The following POLK variants were observed in gnomAD, a reference collection of about 807,000 sequenced individuals.
POLK encodes the protein DNA polymerase kappa.
A neutral mutation model predicts 94.0 loss-of-function variants in POLK; 76 were observed. The ratio of observed to expected loss-of-function variants is 0.81; its 90% CI spans 0.67 to 0.98. The LOEUF is 0.98. POLK is among the 50% of genes least tolerant of loss of function. The pLI, the probability that POLK is intolerant of heterozygous loss-of-function variation, is 0.00. For synonymous variants in POLK, 349 were observed against 325.4 expected, an observed-to-expected ratio of 1.07 and a Z score of -0.78; for missense variants, 954 against 1,010.1, an observed-to-expected ratio of 0.94 and a Z score of 0.75.
At chr5:75,520,682 A>T (rs533261117) in intron 1 of POLK, among the ~76,000 whole-genome samples, 46 of 152,238 alleles carry the variant, frequency 3.0e-4, no homozygotes, top group Non-Finnish European at 6.0e-4. Flanking sequence ...TACAGGCATG[A>T]ACCACAGTGC....
chr5:75,550,751 G>A (rs984303781), intron 2 of POLK, among the ~76,000 whole-genome samples: 15 of 151,986 alleles, frequency 9.9e-5, no homozygotes, highest in African/African-American at 3.6e-4. Flanking sequence ...AAATAGAAGG[G>A]TACTTCCTCA....
intron 3 of POLK, among the ~76,000 whole-genome samples, chr5:75,562,816 T>C (rs1771058761): frequency 6.6e-6 from 1 of 152,252 alleles, no homozygotes; most frequent in Admixed American, 6.5e-5. Flanking sequence ...TTACGTTTAT[T>C]GAATTGCATA....
chr5:75,543,500 T>A (rs1245993677), intron 1 of POLK, among the ~76,000 whole-genome samples: 2 of 152,162 alleles, frequency 1.3e-5, no homozygotes, highest in Non-Finnish European at 2.9e-5. Flanking sequence ...AGATTAGAGT[T>A]GCCCTCAATG....
intron 10 of POLK, among the ~76,000 whole-genome samples, chr5:75,587,656 C>T (rs936854801): frequency 3.9e-5 from 6 of 152,074 alleles, no homozygotes; most frequent in Admixed American, 3.3e-4. Context: ...CAAGGTGGCT[C>T]ACCCCTGTAA....
chr5:75,599,356 G>A (rs1177638031), exon 15 of POLK: 2 of 151,734 alleles, frequency 1.3e-5, no homozygotes, highest in African/African-American at 2.4e-5. Context: ...CTCCCCTTGC[G>A]TTTCATATTT....
chr5:75,524,089 C>G (rs1768715718), intron 1 of POLK, among the ~76,000 whole-genome samples: 1 of 150,740 alleles, frequency 6.6e-6, no homozygotes, highest in South Asian at 2.1e-4. Context: ...GAGATTGCGC[C>G]ACTGCACTCC....
chr5:75,551,940 C>T (rs1029791500), intron 2 of POLK, among the ~76,000 whole-genome samples: 1 of 152,178 alleles, frequency 6.6e-6, no homozygotes, highest in African/African-American at 2.4e-5. Context: ...GCATTCTTCA[C>T]TGTAGCCAAA....
rs73764924 is a variant in POLK at position 75,513,575 on chromosome 5, A to G, written c.-14+1661A>G. ...GGCCACCCTTTTTATCCTGTTTCCT[A>G]TTGTAGAAATGAGAGCCAGGCTAGG... On this transcript the variant is annotated intron_variant, in intron 1 of 14. Transcript: ENST00000241436. Among the ~76,000 whole-genome samples, 604 of 152,302 alleles carry G rather than the reference A, an allele frequency of 4.0e-3. 8 individuals carry two copies. The highest frequency in any genetic ancestry group is 0.014 in the African/African-American group (580 of 41,572).
intron 10 of POLK, among the ~76,000 whole-genome samples, chr5:75,588,175 C>A (rs1428321085): frequency 2.0e-5 from 3 of 151,854 alleles, no homozygotes; most frequent in Non-Finnish European, 4.4e-5. Flanking sequence ...ATTGGGAAAA[C>A]TATTTTATGT....
chr5:75,527,921 G>A (rs1580928987), intron 1 of POLK, among the ~76,000 whole-genome samples: 1 of 152,124 alleles, frequency 6.6e-6, no homozygotes, highest in Non-Finnish European at 1.5e-5. Context: ...CTAGGGAGCT[G>A]TTATATGAAA....
chr5:75,534,838 A>C (rs1769368233), intron 1 of POLK: 1 of 152,148 alleles, frequency 6.6e-6, no homozygotes, highest in African/African-American at 2.4e-5. Flanking sequence ...ATTTTTCTTC[A>C]TCCCTTTACT....
upstream of POLK, chr5:75,511,608 C>T: frequency 6.1e-6 from 9 of 1,470,200 alleles, no homozygotes; most frequent in Non-Finnish European, 8.1e-6. Flanking sequence ...CCGCCGCCAT[C>T]TTCCTGCCTG....
intron 1 of POLK, among the ~76,000 whole-genome samples, chr5:75,527,109 A>G (rs1373678267): frequency 6.6e-6 from 1 of 152,178 alleles, no homozygotes; most frequent in Non-Finnish European, 1.5e-5. Context: ...GGCTTTTTAT[A>G]TATAAGTCAT....
chr5:75,539,249 T>C (rs1171740149), intron 1 of POLK, among the ~76,000 whole-genome samples: 1 of 151,700 alleles, frequency 6.6e-6, no homozygotes, highest in Admixed American at 6.6e-5. Context: ...CACAACTTCT[T>C]GCTGCTTTTT....
chr5:75,523,524 C>T (rs1454333545), intron 1 of POLK, among the ~76,000 whole-genome samples: 2 of 152,166 alleles, frequency 1.3e-5, no homozygotes, highest in Admixed American at 6.5e-5. Context: ...ACTCCAGATA[C>T]AAAGGCTTTC....
intron 4 of POLK, among the ~76,000 whole-genome samples, chr5:75,571,756 T>G (rs5744636): frequency 0.12 from 18,977 of 152,240 alleles, 1,298 homozygotes; most frequent in East Asian, 0.23. Context: ...TCACGTGGCA[T>G]GAGGAACTAG....
intron 11 of POLK, among the ~76,000 whole-genome samples, chr5:75,593,232 A>G (rs1249710356): frequency 2.0e-5 from 3 of 151,778 alleles, no homozygotes; most frequent in Non-Finnish European, 4.4e-5. Context: ...CCTGGCTTCA[A>G]TCTATTCTCC....
At chr5:75,522,693 A>AT (rs1768645314) in intron 1 of POLK, among the ~76,000 whole-genome samples, 1 of 152,128 alleles carries the variant, frequency 6.6e-6, no homozygotes, top group Non-Finnish European at 1.5e-5. Flanking sequence ...ATATCTCCTA[A>AT]GAAATAATTC....
chr5:75,547,400 CT>C (rs149152081), intron 2 of POLK, among the ~76,000 whole-genome samples: 7 of 149,430 alleles, frequency 4.7e-5, no homozygotes, highest in African/African-American at 7.4e-5. Flanking sequence ...TCCTGTTCAC[CT>C]TTTTTTTTAA....
Sources: gnomAD v4.1 joint callset for allele counts (sites outside exome capture counted in the v4.1 genomes callset) on GRCh38, gnomAD v4.1.1 for gene constraint, MANE v1.5 for transcripts, NCBI Gene and HGNC (gene_info 2026-07-23, HGNC 2026-07-21) for gene names.